Variants in HNRNPR observed in about 807,000 individuals in gnomAD.
The protein encoded by HNRNPR is heterogeneous nuclear ribonucleoprotein R.
HNRNPR carries 4 observed loss-of-function variants against 70.3 expected under a neutral mutation model. That is an observed-to-expected ratio of 0.06 (90% CI 0.03 to 0.13). The LOEUF (loss-of-function observed/expected upper bound fraction) is 0.13, where lower values mean the gene tolerates loss of function less well. Ranked by LOEUF, HNRNPR falls within the 10% of genes least tolerant of loss-of-function variation. The pLI is 1.00. For missense variants in HNRNPR, 423 were observed against 788.5 expected, an observed-to-expected ratio of 0.54 and a Z score of 5.55; for synonymous variants, 241 against 267.6, an observed-to-expected ratio of 0.90 and a Z score of 0.97.
In HNRNPR at chr1:23,333,546, G is replaced by C. The variant is rs1646331797; in HGVS notation, c.470C>G (p.Ser157Cys). 10 of 1,612,472 alleles carry C rather than the reference G, an allele frequency of 6.2e-6. No homozygotes were observed. The highest frequency in any genetic ancestry group is 1.3e-5 in the African/African-American group (1 of 75,022). ...CGTTCCAATTCCAGGTTGCACGCCA[G>C]AGTACACACTGTCTGGTGGAGGACC... ...YGGPPPDSVYSGVQPGIGTEV... is the reference protein window; with the variant it reads ...YGGPPPDSVYCGVQPGIGTEV... The change falls in exon 5 of 11, where the codon TCT (serine) becomes TGT (cysteine). Residue 157 changes from serine to cysteine, a missense_variant. This residue lies in a region of HNRNPR where 118 missense variants were observed against 239.3 expected (regional missense o/e 0.49). Coordinates refer to ENST00000302271, the MANE Select transcript of HNRNPR (RefSeq NM_005826.5).
At chr1:23,342,867 G>A (rs1646755214) in intron 1 of HNRNPR, among the ~76,000 whole-genome samples, 1 of 152,134 alleles carries the variant, frequency 6.6e-6, no homozygotes. Flanking sequence ...GTACAAGACA[G>A]AAATATTTAT....
At chr1:23,327,327 A>G (rs1324561468) in intron 5 of HNRNPR, among the ~76,000 whole-genome samples, 2 of 152,228 alleles carry the variant, frequency 1.3e-5, no homozygotes, top group Non-Finnish European at 2.9e-5. Context: ...CTAGAAATAT[A>G]GTGACTACCA....
At chr1:23,342,921 T>G (rs556008895) in intron 1 of HNRNPR, among the ~76,000 whole-genome samples, 2 of 152,230 alleles carry the variant, frequency 1.3e-5, no homozygotes, top group Non-Finnish European at 2.9e-5. Context: ...GATACTGAAA[T>G]TGGTTAAAAT....
rs1357919350 is a variant in HNRNPR, at chr1:23,309,358, G to A, written c.*1096C>T. ...CGCCACAGTACTAACAATTTTCCCT[G>A]TATGTACATTCACTTATCCAGCAAA... On this transcript the variant is annotated 3_prime_UTR_variant, in exon 11 of 11. Coordinates refer to ENST00000302271, the MANE Select transcript of HNRNPR (RefSeq NM_005826.5). 6.6e-6 allele frequency: 1 copy of A among 152,112 alleles called. No individual in the cohort carries two copies. 9.4% of individuals were successfully genotyped at this position (152,112 alleles called of 1,614,324 possible). A position where few individuals can be genotyped will look rare whatever the true frequency, so the allele number is the denominator to read the frequency against.
rs915035016 is a variant in HNRNPR, at chr1:23,305,008, T to C, written c.*5446A>G. The C allele has an allele frequency of 2.0e-5, 3 of 152,228 alleles. No individual in the cohort carries two copies. Among genetic ancestry groups the C allele is most frequent in the Non-Finnish European group, 2.9e-5 (2 of 68,034 alleles). 9.4% of individuals were successfully genotyped at this position (152,228 alleles called of 1,614,324 possible). A position where few individuals can be genotyped will look rare whatever the true frequency, so the allele number is the denominator to read the frequency against. On this transcript the variant is annotated 3_prime_UTR_variant, in exon 11 of 11. Transcript: ENST00000302271. ...AAGTCCCTTTTGCCCAACCCTCATATGTGAGAAATCAAGAAAAGCAATGTT... is the reference window on the plus strand; with the variant it reads ...AAGTCCCTTTTGCCCAACCCTCATACGTGAGAAATCAAGAAAAGCAATGTT...
chr1:23,332,183 C>A (rs963754855), intron 5 of HNRNPR, among the ~76,000 whole-genome samples: 1 of 152,036 alleles, frequency 6.6e-6, no homozygotes, highest in East Asian at 1.9e-4. Flanking sequence ...ATAGAACAGG[C>A]TAGCAATAAG....
chr1:23,316,008 G>C (rs1405573194), intron 8 of HNRNPR, among the ~76,000 whole-genome samples: 1 of 152,074 alleles, frequency 6.6e-6, no homozygotes, highest in East Asian at 1.9e-4. Context: ...ACAGGAAAAA[G>C]GGTCCCTTTA....
At chr1:23,326,242 T>C (rs1645970652) in intron 5 of HNRNPR, among the ~76,000 whole-genome samples, 1 of 152,018 alleles carries the variant, frequency 6.6e-6, no homozygotes, top group Admixed American at 6.6e-5. Flanking sequence ...ACACATCTAC[T>C]ACATGCTTAA....
chr1:23,341,921 T>A (rs1179595093), intron 1 of HNRNPR, among the ~76,000 whole-genome samples: 1 of 152,150 alleles, frequency 6.6e-6, no homozygotes, highest in Admixed American at 6.5e-5. Flanking sequence ...ACTGACTCCC[T>A]GAAGAGAGAG....
rs888743993 is a variant in HNRNPR at position 23,305,505 on chromosome 1, C to T, written c.*4949G>A. On this transcript the variant is annotated 3_prime_UTR_variant, in exon 11 of 11. Coordinates refer to ENST00000302271, the MANE Select transcript of HNRNPR (RefSeq NM_005826.5). ...CTCAACCAATAAAGAAGATACAGTG[C>T]TGTAAGAATACTGAGAAGGTTCTTC... is the stretch of plus-strand genomic sequence containing the variant. 2.0e-5 allele frequency: 3 copies of T among 152,126 alleles called. No homozygotes were observed. The highest frequency in any genetic ancestry group is 4.8e-5 in the African/African-American group (2 of 41,436). 9.4% of individuals were successfully genotyped at this position (152,126 alleles called of 1,614,324 possible). A position where few individuals can be genotyped will look rare whatever the true frequency, so the allele number is the denominator to read the frequency against.
chr1:23,304,795 T>C lies in HNRNPR; in HGVS notation c.*5659A>G. The C allele has an allele frequency of 6.6e-6, 1 of 152,226 alleles. No homozygotes were observed. The highest frequency in any genetic ancestry group is 1.9e-4 in the East Asian group (1 of 5,206). The allele number at this position is 152,226 out of a possible 1,614,324, so 9.4% of individuals were successfully genotyped here. On this transcript the variant is annotated 3_prime_UTR_variant, in exon 11 of 11. Transcript: ENST00000302271. ...AAAAGCATGATTTTTATTAAACTGATGATTAAATGGAAAAGGTCTTGCAAA... is the reference window on the plus strand; with the variant it reads ...AAAAGCATGATTTTTATTAAACTGACGATTAAATGGAAAAGGTCTTGCAAA...
Position 23,310,902 on chromosome 1 carries a change from C to A in HNRNPR, c.1454G>T (p.Gly485Val), listed in dbSNP as rs1398573287. The A allele has an allele frequency of 6.2e-7, 1 of 1,614,170 alleles. No homozygotes were observed. Among genetic ancestry groups the A allele is most frequent in the Admixed American group, 1.7e-5 (1 of 60,030 alleles). ...ATAGCCGTAGTAGGGATCTTCATAG[C>A]CTCCACGATAGTCGTGATAATCATA... is the stretch of plus-strand genomic sequence containing the variant. ...YGYDYHDYRG[G>V]YEDPYYGYDD... The change falls in exon 11 of 11, where the codon GGC becomes GTC. Residue 485 changes from glycine to valine, a missense_variant. Gly to Val is a moderately radical substitution (Grantham distance 109, BLOSUM62 -3). This residue lies in a region of HNRNPR where 169 missense variants were observed against 195.6 expected (regional missense o/e 0.86). Coordinates refer to ENST00000302271, the MANE Select transcript of HNRNPR (RefSeq NM_005826.5). This position sits in a 1 kb window ranked among gnomAD's most constrained non-coding sequence, Gnocchi z 6.0.
chr1:23,332,216 A>C lies in HNRNPR; in HGVS notation c.498+1302T>G, dbSNP rs922097789. Reference sequence around the variant, plus strand: ...AAGGCAAATGGAAAAAGCTTTAAGAAGACAGATGGGGAAAGAATTGCTTCT... The same window carrying C: ...AAGGCAAATGGAAAAAGCTTTAAGACGACAGATGGGGAAAGAATTGCTTCT... On this transcript the variant is annotated intron_variant, in intron 5 of 10. Transcript: ENST00000302271. 2.6e-5 allele frequency among the ~76,000 whole-genome samples: 4 copies of C among 152,264 alleles called. 1 individual carries two copies. The Middle Eastern group carries it at 0.01, about 388-fold the overall frequency.
rs750196620 is a variant in HNRNPR, at chr1:23,318,469, G to A, written c.1017+14C>T. The A allele has an allele frequency of 1.0e-5, 16 of 1,604,916 alleles. No homozygotes were observed. The highest frequency in any genetic ancestry group is 5.0e-5 in the Admixed American group (3 of 59,990). On this transcript the variant is annotated intron_variant, in intron 8 of 10. Coordinates refer to ENST00000302271, the MANE Select transcript of HNRNPR (RefSeq NM_005826.5). This position sits in a 1 kb window ranked among gnomAD's most constrained non-coding sequence, Gnocchi z 4.2. ...AATGATGACCCTATGCCCATTCCAA[G>A]CAACTGTATTTACCTTAGCCATGAC...
chr1:23,333,505 A>C lies in HNRNPR; in HGVS notation c.498+13T>G, dbSNP rs746792047. 2 of 1,528,996 alleles carry C rather than the reference A, an allele frequency of 1.3e-6. No individual in the cohort carries two copies. Among genetic ancestry groups the C allele is most frequent in the South Asian group, 1.1e-5 (1 of 89,320 alleles). 94.7% of individuals were successfully genotyped at this position (1,528,996 alleles called of 1,614,324 possible). ...ACTGGAAAGATCTTGGTAAACTGCTAAAGAACACTTACCTCCGTTCCAATT... is the reference window on the plus strand; with the variant it reads ...ACTGGAAAGATCTTGGTAAACTGCTCAAGAACACTTACCTCCGTTCCAATT... On this transcript the variant is annotated intron_variant, in intron 5 of 10. Coordinates refer to ENST00000302271, the MANE Select transcript of HNRNPR (RefSeq NM_005826.5).
rs142301659 is a variant in HNRNPR at position 23,309,009 on chromosome 1, A to T, written c.*1445T>A. On this transcript the variant is annotated 3_prime_UTR_variant, in exon 11 of 11. Coordinates refer to ENST00000302271, the MANE Select transcript of HNRNPR (RefSeq NM_005826.5). ...AAGTGATTCACTTTTCTGTACCGTA[A>T]AGCTTAGATTCTTTTGTTCCTCTCA... The T allele has an allele frequency of 1.9e-3, 286 of 152,196 alleles. 1 individual carries two copies. The highest frequency in any genetic ancestry group is 6.3e-3 in the African/African-American group (261 of 41,560). 9.4% of individuals were successfully genotyped at this position (152,196 alleles called of 1,614,324 possible).
chr1:23,311,569 T>C (rs892021483), intron 9 of HNRNPR: 12 of 309,268 alleles, frequency 3.9e-5, no homozygotes, highest in African/African-American at 2.7e-4. Flanking sequence ...TGATATTATA[T>C]TTTAAAAGGT....
intron 5 of HNRNPR, among the ~76,000 whole-genome samples, chr1:23,329,729 C>T (rs1362153933): frequency 1.3e-5 from 2 of 152,194 alleles, no homozygotes; most frequent in African/African-American, 4.8e-5. Flanking sequence ...CCAGACTCAA[C>T]TGATCTTTCC....
Position 23,305,908 on chromosome 1 carries a change from T to C in HNRNPR, c.*4546A>G, listed in dbSNP as rs1024405614. 3 of 152,238 alleles carry C rather than the reference T, an allele frequency of 2.0e-5. No individual in the cohort carries two copies. The East Asian group carries it at 5.8e-4, about 29-fold the overall frequency. The allele number at this position is 152,238 out of a possible 1,614,324, so 9.4% of individuals were successfully genotyped here. ...CATTATTGTCAAACTGCTAAAACTT[T>C]TTAAAGTTTCATTTTACAGTGTTAA... On this transcript the variant is annotated 3_prime_UTR_variant, in exon 11 of 11. Transcript: ENST00000302271.
Sources: gnomAD v4.1 joint callset for allele counts (sites outside exome capture counted in the v4.1 genomes callset) on GRCh38, gnomAD v4.1.1 for gene constraint, gnomAD v4.1.1 regional missense constraint, Gnocchi (gnomAD v3.1) non-coding constraint, MANE v1.5 for transcripts, NCBI Gene and HGNC (gene_info 2026-07-23, HGNC 2026-07-21) for gene names.